CLVS1: variants seen among roughly 807,000 people sequenced by gnomAD.
CLVS1 encodes the protein clavesin 1, also known as clavesin-1.
A neutral mutation model predicts 33.1 loss-of-function variants in CLVS1; 10 were observed. That is an observed-to-expected ratio of 0.30 (90% CI 0.19 to 0.51). The LOEUF is 0.51. Among genes scored for constraint, CLVS1 ranks in the 20% least tolerant of loss-of-function variants. The probability of loss-of-function intolerance (pLI) is 0.97; values close to 1 mark genes in which losing one functional copy is unlikely to be tolerated. For synonymous variants in CLVS1, 163 were observed against 166.1 expected (o/e 0.98, Z 0.14); for missense variants, 343 against 433.4 (o/e 0.79, Z 1.85).
At chr8:61,429,130 G>A (rs1481765081) in intron 3 of CLVS1, among the ~76,000 whole-genome samples, 1 of 152,106 alleles carries the variant, frequency 6.6e-6, no homozygotes, top group Non-Finnish European at 1.5e-5. Context: ...GGGCAAAAAA[G>A]CCTGCCTGCA....
At chr8:61,231,293 C>T (rs1808428045) in intron 2 of CLVS1, among the ~76,000 whole-genome samples, 1 of 151,910 alleles carries the variant, frequency 6.6e-6, no homozygotes, top group Non-Finnish European at 1.5e-5. Context: ...CTTGCACACA[C>T]ACACACACAC....
intron 2 of CLVS1, among the ~76,000 whole-genome samples, chr8:61,363,280 A>G (rs1813058590): frequency 6.6e-6 from 1 of 152,224 alleles, no homozygotes; most frequent in African/African-American, 2.4e-5. Context: ...AGAATTTAAA[A>G]TATGTAAATT....
At chr8:61,013,993 C>G in the CLVS1 span, among the ~76,000 whole-genome samples, 6 of 151,726 alleles carry the variant, frequency 4.0e-5, no homozygotes, top group African/African-American at 1.5e-4. Flanking sequence ...AAAATCAGCT[C>G]GATGCACTTG....
intron 1 of CLVS1, among the ~76,000 whole-genome samples, chr8:61,094,335 G>A (rs1324386232): frequency 6.6e-6 from 1 of 152,156 alleles, no homozygotes; most frequent in African/African-American, 2.4e-5. Flanking sequence ...GTGCTCATGT[G>A]TACTGTCCTC....
At chr8:61,023,456 C>A in the CLVS1 span, among the ~76,000 whole-genome samples, 36 of 152,208 alleles carry the variant, frequency 2.4e-4, no homozygotes, top group African/African-American at 8.4e-4. Context: ...AATGCCCTGC[C>A]ATGCACCATT....
At chr8:61,030,874 T>C in the CLVS1 span, among the ~76,000 whole-genome samples, 1 of 152,208 alleles carries the variant, frequency 6.6e-6, no homozygotes, top group African/African-American at 2.4e-5. Flanking sequence ...TCAGGCCACC[T>C]GGGACCAAAT....
chr8:61,296,622 A>T (rs552035590), intron 1 of CLVS1, among the ~76,000 whole-genome samples: 1 of 152,360 alleles, frequency 6.6e-6, no homozygotes, highest in South Asian at 2.1e-4. Flanking sequence ...TACTTTGTAG[A>T]TGAGGAAGGA....
chr8:61,018,443 C>T, the CLVS1 span, among the ~76,000 whole-genome samples: 1 of 152,108 alleles, frequency 6.6e-6, no homozygotes, highest in South Asian at 2.1e-4. Context: ...GAAAGATGAG[C>T]AGAAGTTGAC....
chr8:61,112,583 G>A (rs1284388554), intron 1 of CLVS1, among the ~76,000 whole-genome samples: 3 of 152,174 alleles, frequency 2.0e-5, no homozygotes, highest in Non-Finnish European at 4.4e-5. Flanking sequence ...GTGAATACTG[G>A]ATATGTATTT....
At chr8:61,288,915 C>T (rs1809876598) in intron 1 of CLVS1, among the ~76,000 whole-genome samples, 1 of 152,180 alleles carries the variant, frequency 6.6e-6, no homozygotes, top group African/African-American at 2.4e-5. Flanking sequence ...AAGGTTAACT[C>T]TGGCAAGAAT....
chr8:61,067,320 T>C (rs1166305918), intron 1 of CLVS1, among the ~76,000 whole-genome samples: 1 of 151,620 alleles, frequency 6.6e-6, no homozygotes, highest in Admixed American at 6.6e-5. Flanking sequence ...GCTCGACAAA[T>C]ATATATTAAA....
chr8:60,995,713 G>T, the CLVS1 span, among the ~76,000 whole-genome samples: 1 of 152,160 alleles, frequency 6.6e-6, no homozygotes, highest in African/African-American at 2.4e-5. Context: ...ACACGCACAC[G>T]TATGTTTATT....
At chr8:61,109,691 A>G (rs1386429104) in intron 1 of CLVS1, among the ~76,000 whole-genome samples, 1 of 152,172 alleles carries the variant, frequency 6.6e-6, no homozygotes, top group African/African-American at 2.4e-5. Flanking sequence ...AGGCGATTGG[A>G]TCATGAGGGC....
chr8:61,167,978 G>T (rs945560653), intron 2 of CLVS1, among the ~76,000 whole-genome samples: 3 of 152,056 alleles, frequency 2.0e-5, no homozygotes, highest in African/African-American at 7.3e-5. Context: ...CGGCCCCCAG[G>T]GCTGCTCTGT....
At chr8:61,355,972 C>A (rs1482364755) in intron 2 of CLVS1, among the ~76,000 whole-genome samples, 7 of 152,148 alleles carry the variant, frequency 4.6e-5, no homozygotes, top group Non-Finnish European at 7.4e-5. Flanking sequence ...ACTTCTAGAT[C>A]CCTGAGGAAT....
intron 2 of CLVS1, among the ~76,000 whole-genome samples, chr8:61,307,180 T>C (rs1407328040): frequency 1.3e-5 from 2 of 152,200 alleles, no homozygotes; most frequent in Non-Finnish European, 2.9e-5. Flanking sequence ...TGGAAATGCA[T>C]TGCAAGTCAT....
At chr8:61,478,392 G>T (rs775355081) in intron 5 of CLVS1, among the ~76,000 whole-genome samples, 3 of 152,166 alleles carry the variant, frequency 2.0e-5, no homozygotes, top group Non-Finnish European at 4.4e-5. Context: ...CTGTCTTGAT[G>T]ATCTGTCTAA....
chr8:61,131,277 A>G (rs1322783668), intron 1 of CLVS1, among the ~76,000 whole-genome samples: 3 of 152,258 alleles, frequency 2.0e-5, no homozygotes, highest in Non-Finnish European at 4.4e-5. Context: ...TGGATTCAAG[A>G]CAGAGAAAAG....
At chr8:61,176,485 C>T (rs1030821675) in intron 2 of CLVS1, among the ~76,000 whole-genome samples, 1 of 152,116 alleles carries the variant, frequency 6.6e-6, no homozygotes, top group Non-Finnish European at 1.5e-5. Context: ...AAAAGTATAG[C>T]TACTATCAAG....
Sources: allele counts gnomAD v4.1 joint callset (sites outside exome capture counted in the v4.1 genomes callset), GRCh38; gene constraint gnomAD v4.1.1; transcripts MANE v1.5; gene names NCBI Gene and HGNC (gene_info 2026-07-23, HGNC 2026-07-21).